Variants in FLG observed in about 807,000 individuals in gnomAD.
The protein encoded by FLG is epidermal filaggrin.
In FLG, 6 loss-of-function variants were observed where a neutral mutation model predicts 3.8. The ratio of observed to expected loss-of-function variants is 1.60; its 90% CI spans 0.87 to 3.15. The LOEUF (loss-of-function observed/expected upper bound fraction) is 3.15. FLG is among the 30% of genes most tolerant of loss of function. FLG has a pLI of 0.00. For synonymous variants in FLG, 2,551 were observed against 1,931.6 expected, an observed-to-expected ratio of 1.32 and a Z score of -8.41; for missense variants, 7,595 against 5,050.9, an observed-to-expected ratio of 1.50 and a Z score of -15.27.
chr1:152,322,837 T>C (rs941631705), intron 1 of FLG, among the ~76,000 whole-genome samples: 4 of 151,502 alleles, frequency 2.6e-5, no homozygotes, highest in Admixed American at 2.0e-4. Flanking sequence ...AATCCCATTC[T>C]GAATATCTGA....
chr1:152,307,056 T>G lies in FLG; in HGVS notation c.7830A>C (p.Gln2610His), dbSNP rs201178817. 3.9e-5 allele frequency: 63 copies of G among 1,607,716 alleles called. No homozygotes were observed. The highest frequency in any genetic ancestry group is 3.0e-4 in the South Asian group (27 of 90,730). The change falls in exon 3 of 3, where the codon CAA becomes CAC. Residue 2610 changes from glutamine to histidine, a missense_variant. Gln to His is a conservative substitution (Grantham distance 24). Coordinates refer to ENST00000368799, the MANE Select transcript of FLG (RefSeq NM_002016.2). ...RDGSRHPRSH[Q>H]EDRAGHGHSA... ...AGTGCCCATGACCAGCTCTGTCTTCTTGATGGGACCTGGGGTGTCTGGAGC... is the reference window on the plus strand; with the variant it reads ...AGTGCCCATGACCAGCTCTGTCTTCGTGATGGGACCTGGGGTGTCTGGAGC...
Position 152,310,831 on chromosome 1 carries a change from C to G in FLG, c.4055G>C (p.Ser1352Thr), listed in dbSNP as rs763906937. Reference protein sequence around the residue: ...AVSSHEQARSSPGERHGSRHQ... With the variant: ...AVSSHEQARSTPGERHGSRHQ... ...GCGGGATCCATGTCTTTCTCCTGGACTTGATCTTGCCTGTTCATGGGATGA... is the reference window on the plus strand; with the variant it reads ...GCGGGATCCATGTCTTTCTCCTGGAGTTGATCTTGCCTGTTCATGGGATGA... Residue 1352 changes from serine to threonine, a missense_variant, in exon 3 of 3, where the codon AGT becomes ACT. Coordinates refer to ENST00000368799, the MANE Select transcript of FLG (RefSeq NM_002016.2). 5 of 1,611,928 alleles carry G rather than the reference C, an allele frequency of 3.1e-6. No individual in the cohort carries two copies. In the Admixed American group the frequency reaches 5.0e-5, roughly 16 times the overall value.
rs375411998 is a variant in FLG at position 152,302,919 on chromosome 1, G to A, written c.11967C>T (p.Ser3989=). The change falls in exon 3 of 3, where the codon TCC becomes TCT. Residue 3989 remains serine (S), a synonymous_variant. Transcript: ENST00000368799. ...YGSADYDYGE[S]GFRHSQHGSV... ...TTCCGTGCTGAGAGTGTCTAAACCC[G>A]GATTCACCATAATCATAATCTGCAC... 1.3e-5 allele frequency: 21 copies of A among 1,614,100 alleles called. No individual in the cohort carries two copies. The Admixed American group carries it at 1.7e-4, about 13-fold the overall frequency.
chr1:152,310,080 T>C lies in FLG; in HGVS notation c.4806A>G (p.Gly1602=). 6.2e-7 allele frequency: 1 copy of C among 1,613,994 alleles called. No individual in the cohort carries two copies. Among genetic ancestry groups the C allele is most frequent in the Non-Finnish European group, 8.5e-7 (1 of 1,179,992 alleles). The change falls in exon 3 of 3, where the codon GGA becomes GGG. Residue 1602 remains glycine (G), a synonymous_variant. Transcript: ENST00000368799. ...SSVSQDRDSE[G]HSEDSERRSE... ...ACCGCCTCTCAGAGTCTTCTGAGTG[T>C]CCCTCACTGTCCCTGTCCTGACTAA...
chr1:152,311,867 T>A lies in FLG; in HGVS notation c.3019A>T (p.Thr1007Ser). The A allele has an allele frequency of 2.5e-6, 4 of 1,613,844 alleles. No homozygotes were observed. The highest frequency in any genetic ancestry group is 3.4e-6 in the Non-Finnish European group (4 of 1,179,962). Residue 1007 changes from threonine to serine, a missense_variant, in exon 3 of 3, where the codon ACT (threonine) becomes TCT (serine). Transcript: ENST00000368799. ...CCAGAGGAAGTCTCTGCGTGAGGAG[T>A]TCCTGATTGTCTGGAGCTGTCTGCA... ...HSADSSRQSG[T>S]PHAETSSGGQ...
Position 152,312,183 on chromosome 1 carries a change from T to C in FLG, c.2703A>G (p.Gln901=). ...SASRTTRNEE[Q]SRDGSRHSGS... ...CTGAGTGCCTGGAGCCGTCTCTTGATTGTTCCTCATTACGTGTTGTTCTGC... is the reference window on the plus strand; with the variant it reads ...CTGAGTGCCTGGAGCCGTCTCTTGACTGTTCCTCATTACGTGTTGTTCTGC... Residue 901 remains glutamine (Q), a synonymous_variant, in exon 3 of 3, where the codon CAA becomes CAG. Coordinates refer to ENST00000368799, the MANE Select transcript of FLG (RefSeq NM_002016.2). 2.5e-6 allele frequency: 4 copies of C among 1,613,464 alleles called. No individual in the cohort carries two copies. Among genetic ancestry groups the C allele is most frequent in the Admixed American group, 3.3e-5 (2 of 59,918 alleles).
rs577463785 is a variant in FLG at position 152,303,546 on chromosome 1, C to T, written c.11340G>A (p.Arg3780=). 2.7e-5 allele frequency: 43 copies of T among 1,614,090 alleles called. No individual in the cohort carries two copies. The highest frequency in any genetic ancestry group is 1.8e-4 in the East Asian group (8 of 44,856). The change falls in exon 3 of 3, where the codon AGG becomes AGA. Residue 3780 remains arginine, a synonymous_variant. Coordinates refer to ENST00000368799, the MANE Select transcript of FLG (RefSeq NM_002016.2). ...QGSYHEQSVD[R]SGHSGSHHSH... ...TGTGATGGGACCCTGAGTGTCCAGA[C>T]CTATCTACCGATTGCTCGTGGTAGG...
In FLG at chr1:152,309,731, C is replaced by T; in HGVS notation, c.5155G>A (p.Ala1719Thr). Residue 1719 changes from alanine to threonine, a missense_variant, in exon 3 of 3, where the codon GCC becomes ACC. By Grantham distance (58) the Ala-to-Thr change is moderately conservative. Coordinates refer to ENST00000368799, the MANE Select transcript of FLG (RefSeq NM_002016.2). ...SGNRGSSGSQ[A>T]SDSEGHSEES... ...TCTGAGTGTCCCTCGCTGTCACTGG[C>T]CTGGCTACCACTGGACCCTCGGTTT... is the stretch of plus-strand genomic sequence containing the variant. The T allele has an allele frequency of 1.2e-6, 2 of 1,614,100 alleles. No individual in the cohort carries two copies. The highest frequency in any genetic ancestry group is 1.7e-6 in the Non-Finnish European group (2 of 1,180,028).
intron 1 of FLG, among the ~76,000 whole-genome samples, chr1:152,316,773 C>A (rs1208051121): frequency 6.6e-6 from 1 of 152,142 alleles, no homozygotes; most frequent in Non-Finnish European, 1.5e-5. Context: ...TTTAACCTCT[C>A]TATTTACTGC....
rs572804727 is a variant in FLG, at chr1:152,310,935, G to T, written c.3951C>A (p.Ala1317=). The stretch of plus-strand genomic sequence containing the variant: ...AGCTGTCTGCAGAGTGCCCGTGACT[G>T]GCTCTGTCTTCTTGATGGAACCCAG... ...RHPGFHQEDR[A]SHGHSADSSR... is the part of the protein sequence containing the mutation. The change falls in exon 3 of 3, where the codon GCC becomes GCA. Residue 1317 remains alanine (A), a synonymous_variant. Transcript: ENST00000368799. 6.2e-7 allele frequency: 1 copy of T among 1,614,048 alleles called. No homozygotes were observed. The highest frequency in any genetic ancestry group is 8.5e-7 in the Non-Finnish European group (1 of 1,180,002).
At position 152,312,824 on chromosome 1, in the gene FLG, A is replaced by T. The variant is rs762048285; in HGVS notation, c.2062T>A (p.Ser688Thr). Residue 688 changes from serine (S) to threonine (T), a missense_variant, in exon 3 of 3, where the codon TCC becomes ACC. Physicochemically the swap from Ser to Thr is moderately conservative, Grantham distance 58 (BLOSUM62 1). Coordinates refer to ENST00000368799, the MANE Select transcript of FLG (RefSeq NM_002016.2). The part of the protein sequence containing the change: ...RKSGTRHTQN[S>T]SSGQAASSHE... Reference sequence around the variant, plus strand: ...GATGACGCAGCCTGTCCACTAGAGGAATTCTGTGTGTGACGAGTGCCTGAT... The same window carrying T: ...GATGACGCAGCCTGTCCACTAGAGGTATTCTGTGTGTGACGAGTGCCTGAT... 6.2e-7 allele frequency: 1 copy of T among 1,613,818 alleles called. No homozygotes were observed. Among genetic ancestry groups the T allele is most frequent in the Non-Finnish European group, 8.5e-7 (1 of 1,179,960 alleles).
chr1:152,303,554 C>T lies in FLG; in HGVS notation c.11332G>A (p.Val3778Ile). Residue 3778 changes from valine (V) to isoleucine (I), a missense_variant, in exon 3 of 3, where the codon GTA becomes ATA. By Grantham distance (29) the Val-to-Ile change is conservative. Coordinates refer to ENST00000368799, the MANE Select transcript of FLG (RefSeq NM_002016.2). ...GRQGSYHEQSVDRSGHSGSHH... is the reference protein window; with the variant it reads ...GRQGSYHEQSIDRSGHSGSHH... ...GACCCTGAGTGTCCAGACCTATCTA[C>T]CGATTGCTCGTGGTAGGATCCCTGT... The T allele has an allele frequency of 6.2e-7, 1 of 1,614,074 alleles. No individual in the cohort carries two copies. Among genetic ancestry groups the T allele is most frequent in the Non-Finnish European group, 8.5e-7 (1 of 1,180,028 alleles).
At position 152,304,961 on chromosome 1, in the gene FLG, A is replaced by G; in HGVS notation, c.9925T>C (p.Ser3309Pro). Residue 3309 changes from serine to proline, a missense_variant, in exon 3 of 3, where the codon TCA becomes CCA. Ser to Pro is a moderately conservative substitution (Grantham distance 74). Coordinates refer to ENST00000368799, the MANE Select transcript of FLG (RefSeq NM_002016.2). ...GERHGSRHQQ[S>P]ADSSRHSGIP... is the part of the protein sequence containing the mutation. ...CCTGAGTGTCTGGAGCTGTCTGCTG[A>G]CTGCTGGTGGCGGGATCCGTGTCTC... The G allele has an allele frequency of 6.2e-7, 1 of 1,613,676 alleles. No individual in the cohort carries two copies. The highest frequency in any genetic ancestry group is 8.5e-7 in the Non-Finnish European group (1 of 1,179,934).
rs758958783 is a variant in FLG, at chr1:152,308,392, C to A, written c.6494G>T (p.Gly2165Val). ...EQSVDRSGHS[G>V]SHHSHTTSQG... ...GGATGTGGTGTGGCTGTGATGAGAC[C>A]CTGAGTGTCCAGACCTATCTACCGA... The change falls in exon 3 of 3, where the codon GGG becomes GTG. Residue 2165 changes from glycine to valine, a missense_variant. By Grantham distance (109) the Gly-to-Val change is moderately radical. Coordinates refer to ENST00000368799, the MANE Select transcript of FLG (RefSeq NM_002016.2). 1.1e-5 allele frequency: 17 copies of A among 1,613,532 alleles called. No homozygotes were observed. In the Admixed American group the frequency reaches 2.7e-4, roughly 25 times the overall value.
chr1:152,304,456 C>G lies in FLG; in HGVS notation c.10430G>C (p.Arg3477Pro). ...TTSQGRSDAS[R>P]GQSGSRSASR... The stretch of plus-strand genomic sequence containing the variant: ...GGCACTTCTGGATCCTGACTGCCCA[C>G]GGGAGGCATCAGACCTTCCCTGGGA... The change falls in exon 3 of 3, where the codon CGT becomes CCT. Residue 3477 changes from arginine to proline, a missense_variant. Coordinates refer to ENST00000368799, the MANE Select transcript of FLG (RefSeq NM_002016.2). The G allele has an allele frequency of 6.2e-7, 1 of 1,612,278 alleles. No homozygotes were observed. Among genetic ancestry groups the G allele is most frequent in the Admixed American group, 1.7e-5 (1 of 59,876 alleles).
At position 152,311,583 on chromosome 1, in the gene FLG, C is replaced by A. The variant is rs1185063641; in HGVS notation, c.3303G>T (p.Glu1101Asp). 1.1e-5 allele frequency: 17 copies of A among 1,613,962 alleles called. No individual in the cohort carries two copies. The highest frequency in any genetic ancestry group is 1.4e-5 in the Non-Finnish European group (17 of 1,180,020). ...TTCCCCCTGACCAGTCACGTGCGGACTCTTGGTGGCTCTGCTGATGGGGCC... is the reference window on the plus strand; with the variant it reads ...TTCCCCCTGACCAGTCACGTGCGGAATCTTGGTGGCTCTGCTGATGGGGCC... ...QDGPHQQSHQ[E>D]SARDWSGGRS... Residue 1101 changes from glutamate to aspartate, a missense_variant, in exon 3 of 3, where the codon GAG becomes GAT. Coordinates refer to ENST00000368799, the MANE Select transcript of FLG (RefSeq NM_002016.2).
rs779978288 is a variant in FLG at position 152,302,778 on chromosome 1, T to C, written c.12108A>G (p.Pro4036=). 7 of 1,614,198 alleles carry C rather than the reference T, an allele frequency of 4.3e-6. No individual in the cohort carries two copies. In the South Asian group the frequency reaches 7.7e-5, roughly 18 times the overall value. Residue 4036 remains proline, a synonymous_variant, in exon 3 of 3, where the codon CCA becomes CCG. Coordinates refer to ENST00000368799, the MANE Select transcript of FLG (RefSeq NM_002016.2). Reference sequence around the variant, plus strand: ...TATCACTAGAATGGCCACATAAACCTGGGTCCTTATTAATATACGTTGCAT... The same window carrying C: ...TATCACTAGAATGGCCACATAAACCCGGGTCCTTATTAATATACGTTGCAT... The part of the protein sequence containing the change: ...RYYATYINKD[P]GLCGHSSDIS...
rs780514497 is a variant in FLG, at chr1:152,307,467, C to A, written c.7419G>T (p.Arg2473Ser). The A allele has an allele frequency of 3.9e-5, 63 of 1,613,196 alleles. No individual in the cohort carries two copies. The highest frequency in any genetic ancestry group is 4.5e-5 in the Non-Finnish European group (53 of 1,179,704). ...CCAATTGCTCGTAGTGGGATCCCTG[C>A]CTTCCTCCACTGCTTGACCCCGGGT... ...HGHPGSSSGGRQGSHYEQLVD... is the reference protein window; with the variant it reads ...HGHPGSSSGGSQGSHYEQLVD... Residue 2473 changes from arginine to serine, a missense_variant, in exon 3 of 3, where the codon AGG (arginine) becomes AGT (serine). By Grantham distance (110) the Arg-to-Ser change is moderately radical. Coordinates refer to ENST00000368799, the MANE Select transcript of FLG (RefSeq NM_002016.2).
rs572388274 is a variant in FLG at position 152,307,103 on chromosome 1, C to T, written c.7783G>A (p.Ala2595Thr). ...GSASRNHHGS[A>T]QEQLRDGSRH... is the part of the protein sequence containing the mutation. ...GAGCCATCTCTTAGCTGCTCCTGAG[C>T]AGATCCATGATGGTTTCTGGAAGCA... is the stretch of plus-strand genomic sequence containing the variant. The change falls in exon 3 of 3, where the codon GCT becomes ACT. Residue 2595 changes from alanine (A) to threonine (T), a missense_variant. By Grantham distance (58) the Ala-to-Thr change is moderately conservative. Transcript: ENST00000368799. The T allele has an allele frequency of 1.9e-6, 3 of 1,611,336 alleles. No individual in the cohort carries two copies. Among genetic ancestry groups the T allele is most frequent in the Admixed American group, 1.7e-5 (1 of 59,756 alleles).
Sources: allele counts gnomAD v4.1 joint callset (sites outside exome capture counted in the v4.1 genomes callset), GRCh38; gene constraint gnomAD v4.1.1; transcripts MANE v1.5; gene names NCBI Gene and HGNC (gene_info 2026-07-23, HGNC 2026-07-21).